Variants in EVL observed in about 807,000 individuals in gnomAD.
EVL encodes the protein ena/VASP-like protein.
A neutral mutation model predicts 59.6 loss-of-function variants in EVL; 21 were observed. That is an observed-to-expected ratio of 0.35 (90% CI 0.25 to 0.51). The LOEUF (loss-of-function observed/expected upper bound fraction) is 0.51, where lower values mean the gene tolerates loss of function less well. Among genes scored for constraint, EVL ranks in the 20% least tolerant of loss-of-function variants. The probability of loss-of-function intolerance (pLI) is 0.97; values close to 1 mark genes in which losing one functional copy is unlikely to be tolerated. For synonymous variants in EVL, 198 were observed against 203.5 expected (o/e 0.97, Z 0.23); for missense variants, 462 against 546.6 (o/e 0.85, Z 1.54).
intron 9 of EVL, among the ~76,000 whole-genome samples, chr14:100,136,757 A>T (rs919925891): frequency 2.0e-5 from 3 of 152,134 alleles, no homozygotes; most frequent in African/African-American, 7.2e-5. Flanking sequence ...GCCAGGATGC[A>T]TAGGTTCCTG....
At chr14:100,028,145 T>G (rs866084002) in intron 1 of EVL, among the ~76,000 whole-genome samples, 26 of 150,964 alleles carry the variant, frequency 1.7e-4, no homozygotes, top group African/African-American at 6.1e-4. Flanking sequence ...TTTTTTTTTT[T>G]TTTTTTGAGG....
chr14:100,124,023 C>A (rs1887869600), intron 4 of EVL, among the ~76,000 whole-genome samples: 1 of 152,208 alleles, frequency 6.6e-6, no homozygotes, highest in Admixed American at 6.5e-5. Context: ...AACCCCCTCA[C>A]CCCATGGAGC....
rs774642898 is a variant in EVL at position 100,137,612 on chromosome 14, G to T, written c.999G>T (p.Ser333=). ...AGRKPWERSN[S]VEKPVSSILS... ...GGAAGCCCTGGGAGCGGAGCAACTC[G>T]GTGGAGAAGCCTGTGTCCTCGATTC... The change falls in exon 10 of 14, where the codon TCG becomes TCT. Residue 333 remains serine, a synonymous_variant. Coordinates refer to ENST00000392920, the MANE Select transcript of EVL (RefSeq NM_016337.3). 1 of 1,614,068 alleles carries T rather than the reference G, an allele frequency of 6.2e-7. No individual in the cohort carries two copies. The highest frequency in any genetic ancestry group is 1.3e-5 in the African/African-American group (1 of 75,056).
intron 1 of EVL, among the ~76,000 whole-genome samples, chr14:100,010,761 T>C (rs1595561097): frequency 6.6e-6 from 1 of 152,284 alleles, no homozygotes; most frequent in Non-Finnish European, 1.5e-5. Context: ...AGCATTGTTA[T>C]ATTGGAAAGA....
chr14:100,102,232 G>T (rs1180668285), intron 3 of EVL: 1 of 455,820 alleles, frequency 2.2e-6, no homozygotes, highest in African/African-American at 2.0e-5. Flanking sequence ...CCTTTGACAA[G>T]TGCAGCGCAG....
At chr14:100,097,787 G>A (rs1403023130) in intron 3 of EVL, 129 bp downstream of exon 3, 28 of 779,852 alleles carry the variant, frequency 3.6e-5, no homozygotes, top group Non-Finnish European at 5.3e-5. Flanking sequence ...TGTGTTCTCA[G>A]AGAAACCTGC....
intron 1 of EVL, among the ~76,000 whole-genome samples, chr14:100,000,503 A>C (rs1412859272): frequency 6.6e-6 from 1 of 151,976 alleles, no homozygotes; most frequent in Admixed American, 6.6e-5. Flanking sequence ...GCGTGCCATC[A>C]TGCCCGGCTC....
intron 1 of EVL, among the ~76,000 whole-genome samples, chr14:100,031,770 C>A (rs750277625): frequency 3.9e-5 from 6 of 152,240 alleles, no homozygotes; most frequent in Non-Finnish European, 8.8e-5. Flanking sequence ...ACTCTGCCCC[C>A]CATCTTCATC....
At chr14:100,139,703 G>A (rs1889041001) in intron 11 of EVL, 1 of 152,308 alleles carries the variant, frequency 6.6e-6, no homozygotes, top group Non-Finnish European at 1.5e-5. Flanking sequence ...AGTGTCACCA[G>A]ATGGTCCTCC....
At chr14:100,004,435 C>G (rs559582504) in intron 1 of EVL, among the ~76,000 whole-genome samples, 1 of 152,058 alleles carries the variant, frequency 6.6e-6, no homozygotes, top group South Asian at 2.1e-4. Flanking sequence ...AAATCAATCC[C>G]TTAAGAAAAT....
chr14:100,126,597 G>C, intron 4 of EVL, 110 bp from the exon 5 acceptor site: 1 of 1,134,056 alleles, frequency 8.8e-7, no homozygotes, highest in East Asian at 2.4e-5. Flanking sequence ...CTTGTGGAGC[G>C]CTGGCGAAAC....
intron 1 of EVL, among the ~76,000 whole-genome samples, chr14:100,023,396 T>G (rs977751476): frequency 1.5e-5 from 2 of 130,774 alleles, no homozygotes; most frequent in African/African-American, 6.1e-5. Context: ...TTTTTTTTTT[T>G]GAGATGGAGT....
intron 1 of EVL, among the ~76,000 whole-genome samples, chr14:100,017,355 A>C (rs1414434298): frequency 6.6e-6 from 1 of 152,216 alleles, no homozygotes; most frequent in Non-Finnish European, 1.5e-5. Flanking sequence ...TGAGCCACCC[A>C]TTGAGCAGAC....
intron 1 of EVL, among the ~76,000 whole-genome samples, chr14:100,072,699 G>C (rs2062074048): frequency 6.6e-6 from 1 of 152,224 alleles, no homozygotes; most frequent in Non-Finnish European, 1.5e-5. Context: ...GAAAGACAGA[G>C]ATAACTCACA....
intron 1 of EVL, among the ~76,000 whole-genome samples, chr14:100,014,732 A>G (rs190604497): frequency 2.9e-4 from 44 of 152,314 alleles, no homozygotes; most frequent in South Asian, 1.2e-3. Flanking sequence ...GTAGGGTTGA[A>G]AACTGTGCAG....
At chr14:100,085,261 G>A (rs1340498753) in intron 2 of EVL, among the ~76,000 whole-genome samples, 2 of 152,194 alleles carry the variant, frequency 1.3e-5, no homozygotes, top group Non-Finnish European at 2.9e-5. Flanking sequence ...TATCAAGATG[G>A]TTTGGAGAAC....
At chr14:100,125,151 C>CACACCTGCCCCAAGG in intron 4 of EVL, among the ~76,000 whole-genome samples, 1 of 124,140 alleles carries the variant, frequency 8.1e-6, no homozygotes, top group Non-Finnish European at 1.6e-5. Flanking sequence ...CACACACACA[C>CACACCTGCCCCAAGG]CTGCCCCAAG....
Position 100,021,758 on chromosome 14 carries a change from C to T in EVL, c.5+49701C>T, listed in dbSNP as rs981707255. 2.0e-5 allele frequency among the ~76,000 whole-genome samples: 3 copies of T among 152,074 alleles called. No individual in the cohort carries two copies. The East Asian group carries it at 5.8e-4, about 29-fold the overall frequency. On this transcript the variant is annotated intron_variant, in intron 1 of 13. Transcript: ENST00000402714. ...AGATCTGGAGACCAGACTTAACAACCATTGGCTTAGGAAAAGCAGAAGATT... is the reference window on the plus strand; with the variant it reads ...AGATCTGGAGACCAGACTTAACAACTATTGGCTTAGGAAAAGCAGAAGATT...
At chr14:100,099,061 C>T (rs577107380) in intron 3 of EVL, among the ~76,000 whole-genome samples, 61 of 151,476 alleles carry the variant, frequency 4.0e-4, no homozygotes, top group African/African-American at 1.5e-3. Flanking sequence ...TATCTACTGG[C>T]GCCAGGCGTG....
Sources: allele counts gnomAD v4.1 joint callset (sites outside exome capture counted in the v4.1 genomes callset), GRCh38; gene constraint gnomAD v4.1.1; transcripts MANE v1.5; gene names NCBI Gene and HGNC (gene_info 2026-07-23, HGNC 2026-07-21).